M1AP: variants seen among roughly 807,000 people sequenced by gnomAD.
M1AP encodes the protein meiosis 1 arrest protein.
In M1AP, 39 loss-of-function variants were observed where a neutral mutation model predicts 51.2. The ratio of observed to expected loss-of-function variants is 0.76; its 90% CI spans 0.59 to 1.00. The LOEUF is 1.00. M1AP is among the 50% of genes least tolerant of loss of function. The pLI, the probability that M1AP is intolerant of heterozygous loss-of-function variation, is 0.00. For missense variants in M1AP, 545 were observed against 641.2 expected (o/e 0.85, Z 1.62); for synonymous variants, 251 against 249.2 (o/e 1.01, Z -0.07).
At chr2:74,562,505 T>A in intron 7 of M1AP, 82 bp from the exon 8 acceptor site, 1 of 1,507,156 alleles carries the variant, frequency 6.6e-7, no homozygotes, top group Non-Finnish European at 9.1e-7. Flanking sequence ...GAAGTTTCCC[T>A]GACTTCCAGG....
intron 3 of M1AP, among the ~76,000 whole-genome samples, chr2:74,607,447 G>C (rs990777758): frequency 6.6e-6 from 1 of 152,098 alleles, no homozygotes; most frequent in Non-Finnish European, 1.5e-5. Flanking sequence ...GCTGACCCTA[G>C]AAAGTGACTG....
chr2:74,587,370 T>C (rs1033719948), intron 4 of M1AP, among the ~76,000 whole-genome samples: 2 of 151,990 alleles, frequency 1.3e-5, no homozygotes, highest in Non-Finnish European at 2.9e-5. Flanking sequence ...TGCTAATTTT[T>C]TGTATTTTTA....
intron 3 of M1AP, among the ~76,000 whole-genome samples, chr2:74,611,885 T>TTTG (rs1681373485): frequency 3.1e-5 from 2 of 63,740 alleles, no homozygotes; most frequent in Non-Finnish European, 6.4e-5. Flanking sequence ...AAAAAGTGTT[T>TTTG]TTTTTTTTTT....
rs1482304123 is a variant in M1AP at position 74,584,810 on chromosome 2, AT to A, written c.596-2964del. On this transcript the variant is annotated intron_variant, in intron 4 of 10. Coordinates refer to ENST00000421985, the MANE Select transcript of M1AP (RefSeq NM_001321739.2). Reference sequence around the variant, plus strand: ...AGCCTTATTGATGTTATTGCCATATATATATATATATATATATATTTTATTA... The same window carrying A: ...AGCCTTATTGATGTTATTGCCATATAATATATATATATATATATTTTATTA... 4.5e-3 allele frequency among the ~76,000 whole-genome samples: 647 copies of A among 143,594 alleles called. 8 individuals carry two copies. The highest frequency in any genetic ancestry group is 0.016 in the African/African-American group (623 of 38,276). The allele number at this position is 143,594 out of a possible 152,430, so 94.2% of individuals were successfully genotyped here.
At chr2:74,635,200 G>A (rs1410160214) in intron 2 of M1AP, among the ~76,000 whole-genome samples, 1 of 151,958 alleles carries the variant, frequency 6.6e-6, no homozygotes, top group Non-Finnish European at 1.5e-5. Flanking sequence ...TTCATATTGG[G>A]CAATTGTGAT....
chr2:74,590,185 G>A lies in M1AP; in HGVS notation c.596-8338C>T, dbSNP rs138773148. Reference sequence around the variant, plus strand: ...GAAATATATTTCTCACCGTTTTGGAGGCTGGGAAGTCCAAGATCAAGGTGC... The same window carrying A: ...GAAATATATTTCTCACCGTTTTGGAAGCTGGGAAGTCCAAGATCAAGGTGC... On this transcript the variant is annotated intron_variant, in intron 4 of 10. Coordinates refer to ENST00000421985, the MANE Select transcript of M1AP (RefSeq NM_001321739.2). 1.7e-3 allele frequency among the ~76,000 whole-genome samples: 265 copies of A among 152,312 alleles called. 2 individuals are homozygous for A. The highest frequency in any genetic ancestry group is 6.0e-3 in the African/African-American group (251 of 41,558).
Position 74,581,766 on chromosome 2 carries a change from C to T in M1AP, c.677G>A (p.Trp226Ter), listed in dbSNP as rs777716424. The change falls in exon 5 of 11, where the codon TGG (tryptophan) becomes TAG (stop). Residue 226 changes from tryptophan (W) to a stop codon, truncating the protein, a stop_gained. Transcript: ENST00000421985. LOFTEE classifies it high-confidence loss of function. ...IVSMEIFFKA[W>*]LHNSGTDQEQ... ...TTGGTCTGTTCCACTGTTATGTAGCCAGGCTTTGAAGAAAATCTCCATGCT... is the reference window on the plus strand; with the variant it reads ...TTGGTCTGTTCCACTGTTATGTAGCTAGGCTTTGAAGAAAATCTCCATGCT... 1.6e-5 allele frequency: 26 copies of T among 1,614,034 alleles called. No individual in the cohort carries two copies. Among genetic ancestry groups the T allele is most frequent in the Non-Finnish European group, 2.1e-5 (25 of 1,179,940 alleles).
At chr2:74,561,259 GAGA>G (rs1242325078) in intron 8 of M1AP, among the ~76,000 whole-genome samples, 12 of 86,024 alleles carry the variant, frequency 1.4e-4, no homozygotes, top group East Asian at 8.8e-4. Context: ...GGAGGAGGAG[GAGA>G]AGAAGAAAAA....
intron 4 of M1AP, among the ~76,000 whole-genome samples, chr2:74,598,703 T>C (rs936137513): frequency 4.7e-5 from 7 of 150,440 alleles, no homozygotes; most frequent in African/African-American, 1.5e-4. Context: ...TCATTTATTG[T>C]GGCCTTGACC....
chr2:74,560,842 C>T (rs1184843263), intron 8 of M1AP, among the ~76,000 whole-genome samples: 5 of 152,150 alleles, frequency 3.3e-5, no homozygotes, highest in African/African-American at 1.2e-4. Context: ...CTTGTGCCCA[C>T]CTCTCTCTGT....
chr2:74,623,964 C>T (rs142692383), intron 2 of M1AP, among the ~76,000 whole-genome samples: 2 of 152,316 alleles, frequency 1.3e-5, no homozygotes, highest in East Asian at 3.8e-4. Context: ...AGCCACCACA[C>T]CTGGCCTACA....
chr2:74,585,158 A>G (rs2104605327), intron 4 of M1AP, among the ~76,000 whole-genome samples: 4 of 152,242 alleles, frequency 2.6e-5, no homozygotes, highest in African/African-American at 9.6e-5. Context: ...TGGCATATCT[A>G]AAGAATGAAT....
chr2:74,605,825 T>C (rs1048109302), intron 4 of M1AP, among the ~76,000 whole-genome samples: 15 of 149,310 alleles, frequency 1.0e-4, no homozygotes, highest in Admixed American at 8.1e-4. Flanking sequence ...GGCATGAACC[T>C]GGGAGGCGGA....
At chr2:74,568,768 C>T (rs895439532) in intron 7 of M1AP, among the ~76,000 whole-genome samples, 2 of 152,190 alleles carry the variant, frequency 1.3e-5, no homozygotes, top group African/African-American at 4.8e-5. Flanking sequence ...AGGGGATATA[C>T]ATAATACACC....
intron 7 of M1AP, among the ~76,000 whole-genome samples, chr2:74,573,888 A>C (rs1263175458): frequency 6.6e-6 from 1 of 152,214 alleles, no homozygotes; most frequent in African/African-American, 2.4e-5. Flanking sequence ...TACTGTAAGA[A>C]TGTATTGAAG....
At chr2:74,645,713 C>CTCTG (rs1461407993) in intron 1 of M1AP, among the ~76,000 whole-genome samples, 3 of 152,166 alleles carry the variant, frequency 2.0e-5, no homozygotes, top group African/African-American at 7.2e-5. Flanking sequence ...GCTGAACTAC[C>CTCTG]TCTGAGCTGC....
At chr2:74,567,676 G>A (rs1296107659) in intron 7 of M1AP, among the ~76,000 whole-genome samples, 1 of 152,206 alleles carries the variant, frequency 6.6e-6, no homozygotes, top group African/African-American at 2.4e-5. Flanking sequence ...AATTATGAAT[G>A]TTTATTTAAC....
chr2:74,621,026 A>G (rs1391472552), intron 2 of M1AP: 2 of 152,596 alleles, frequency 1.3e-5, no homozygotes, highest in African/African-American at 4.8e-5. Flanking sequence ...TCACGCCTGC[A>G]ATCACTTTGG....
chr2:74,647,263 C>G (rs1196911270), intron 1 of M1AP: 1 of 985,216 alleles, frequency 1.0e-6, no homozygotes. Context: ...GCCCGCACCC[C>G]GGGAGATCCA....
Sources: gnomAD v4.1 joint callset for allele counts (sites outside exome capture counted in the v4.1 genomes callset) on GRCh38, gnomAD v4.1.1 for gene constraint, MANE v1.5 for transcripts, NCBI Gene and HGNC (gene_info 2026-07-23, HGNC 2026-07-21) for gene names.